CXADR: variants seen among roughly 807,000 people sequenced by gnomAD.
CXADR encodes the protein coxsackievirus and adenovirus receptor.
In CXADR, 20 loss-of-function variants were observed where a neutral mutation model predicts 40.3. That is an observed-to-expected ratio of 0.50 (90% CI 0.35 to 0.72). The LOEUF is 0.72. Ranked by LOEUF, CXADR falls within the 30% of genes least tolerant of loss-of-function variation. The pLI is 0.01. For synonymous variants in CXADR, 150 were observed against 161.3 expected (o/e 0.93, Z 0.53); for missense variants, 332 against 449.1 (o/e 0.74, Z 2.36).
chr21:17,551,454 C>G (rs1211451721), intron 2 of CXADR, among the ~76,000 whole-genome samples: 1 of 152,158 alleles, frequency 6.6e-6, no homozygotes, highest in Non-Finnish European at 1.5e-5. Flanking sequence ...CTTGCCCAAT[C>G]TTACTAAATT....
chr21:17,592,140 G>C (rs114138166), intron 7 of CXADR, among the ~76,000 whole-genome samples: 2,305 of 151,964 alleles, frequency 0.015, 54 homozygotes, highest in African/African-American at 0.052. Flanking sequence ...TTGTAGTAAC[G>C]TGGAATGTTC....
intron 1 of CXADR, chr21:17,542,912 T>C: frequency 5.2e-6 from 1 of 193,490 alleles, no homozygotes; most frequent in South Asian, 7.0e-5. Context: ...AATTTGTGTC[T>C]GTTGCGTACT....
the CXADR span, among the ~76,000 whole-genome samples, chr21:17,632,233 C>T: frequency 6.6e-6 from 1 of 152,116 alleles, no homozygotes; most frequent in Non-Finnish European, 1.5e-5. Context: ...GTGGACCATT[C>T]GCAGTTGACA....
At chr21:17,626,522 T>C in the CXADR span, among the ~76,000 whole-genome samples, 1 of 152,154 alleles carries the variant, frequency 6.6e-6, no homozygotes, top group Non-Finnish European at 1.5e-5. Context: ...GAATCAGCAT[T>C]TTTTTTAGCA....
intron 1 of CXADR, among the ~76,000 whole-genome samples, chr21:17,521,653 T>C (rs1336178738): frequency 6.6e-6 from 1 of 152,168 alleles, no homozygotes; most frequent in East Asian, 1.9e-4. Context: ...GGAGTGGGCA[T>C]CAGGTAAGTG....
the CXADR span, chr21:17,612,791 C>T: frequency 2.0e-5 from 3 of 152,368 alleles, 1 homozygote; most frequent in South Asian, 6.2e-4. Context: ...CGGGCCCGCG[C>T]TGGGCAACAG....
chr21:17,582,439 A>C (rs1462587004), intron 7 of CXADR, among the ~76,000 whole-genome samples: 1 of 146,720 alleles, frequency 6.8e-6, no homozygotes, highest in East Asian at 2.0e-4. Flanking sequence ...CCTAAGTCCC[A>C]CAGAGAAGCC....
At chr21:17,540,948 T>A (rs901324410) in intron 1 of CXADR, among the ~76,000 whole-genome samples, 1 of 152,210 alleles carries the variant, frequency 6.6e-6, no homozygotes, top group Non-Finnish European at 1.5e-5. Context: ...GCTCTCTTGT[T>A]AATCTTTTTT....
chr21:17,523,605 G>C (rs999322432), intron 1 of CXADR, among the ~76,000 whole-genome samples: 1 of 152,128 alleles, frequency 6.6e-6, no homozygotes, highest in Non-Finnish European at 1.5e-5. Flanking sequence ...AATAATTGAG[G>C]CTGGGAACTT....
exon 8 of CXADR, chr21:17,593,300 A>T: frequency 9.7e-7 from 1 of 1,026,384 alleles, no homozygotes. Context: ...CAGAGATTAG[A>T]GCAGCTGTAA....
intron 1 of CXADR, among the ~76,000 whole-genome samples, chr21:17,530,107 C>G (rs928816984): frequency 9.3e-5 from 12 of 128,654 alleles, no homozygotes; most frequent in Non-Finnish European, 1.9e-4. Context: ...TGCCACCATG[C>G]CAGGCTATTT....
intron 3 of CXADR, among the ~76,000 whole-genome samples, chr21:17,554,544 G>A (rs972633225): frequency 2.0e-5 from 3 of 152,134 alleles, no homozygotes; most frequent in African/African-American, 4.8e-5. Context: ...AGTGATTGCC[G>A]AAGAGAAGTA....
At chr21:17,598,715 C>G in the CXADR span, 1 of 1,614,084 alleles carries the variant, frequency 6.2e-7, no homozygotes, top group South Asian at 1.1e-5. Context: ...GAATGATAAT[C>G]AGAGGTAACC....
intron 5 of CXADR, 98 bp downstream of exon 5, chr21:17,560,922 C>A: frequency 6.6e-7 from 1 of 1,511,476 alleles, no homozygotes; most frequent in Non-Finnish European, 8.9e-7. Flanking sequence ...CAAAGGGACA[C>A]TGACTTTGAT....
At chr21:17,595,938 T>G (rs2123426979), downstream of CXADR, among the ~76,000 whole-genome samples, 1 of 152,154 alleles carries the variant, frequency 6.6e-6, no homozygotes, top group African/African-American at 2.4e-5. Context: ...TTGCTAACAT[T>G]TCATGCTGTC....
chr21:17,578,614 A>G (rs2061338121), intron 7 of CXADR, among the ~76,000 whole-genome samples: 2 of 152,244 alleles, frequency 1.3e-5, no homozygotes, highest in Admixed American at 1.3e-4. Context: ...AGGCAGGCAG[A>G]GCCCAGGAGT....
At chr21:17,519,022 T>C in intron 1 of CXADR, 1 of 1,537,650 alleles carries the variant, frequency 6.5e-7, no homozygotes, top group Non-Finnish European at 9.0e-7. Context: ...GCAGGGAGGG[T>C]CCTCCAGCAC....
intron 7 of CXADR, among the ~76,000 whole-genome samples, chr21:17,578,740 G>A (rs960449188): frequency 2.0e-5 from 3 of 152,090 alleles, no homozygotes; most frequent in Admixed American, 1.3e-4. Context: ...GAGGTGGGAG[G>A]ATTGCTTGAG....
rs754444260 is a variant in CXADR, at chr21:17,565,689, A to G, written c.1095A>G (p.Val365=). 3 of 1,611,664 alleles carry G rather than the reference A, an allele frequency of 1.9e-6. No individual in the cohort carries two copies. The South Asian group carries it at 3.3e-5, about 18-fold the overall frequency. ...IPAQSKDGSI[V] Reference sequence around the variant, plus strand: ...CACAGAGCAAGGATGGGTCTATAGTATAGAGCCTCCATATGTCTCATCTGT... The same window carrying G: ...CACAGAGCAAGGATGGGTCTATAGTGTAGAGCCTCCATATGTCTCATCTGT... Residue 365 remains valine, a synonymous_variant, in exon 7 of 7, where the codon GTA becomes GTG. Transcript: ENST00000284878.
Sources: allele counts gnomAD v4.1 joint callset (sites outside exome capture counted in the v4.1 genomes callset), GRCh38; gene constraint gnomAD v4.1.1; transcripts MANE v1.5; gene names NCBI Gene and HGNC (gene_info 2026-07-23, HGNC 2026-07-21).